The following ADAM12 variants were observed in gnomAD, a reference collection of about 807,000 sequenced individuals.
ADAM12 encodes disintegrin and metalloproteinase domain-containing protein 12.
ADAM12 carries 70 observed loss-of-function variants against 106.4 expected under a neutral mutation model. That is an observed-to-expected ratio of 0.66 (90% CI 0.54 to 0.80). The LOEUF (loss-of-function observed/expected upper bound fraction) is 0.80, where lower values mean the gene tolerates loss of function less well. Among genes scored for constraint, ADAM12 ranks in the 30% least tolerant of loss-of-function variants. The probability of loss-of-function intolerance (pLI) is 0.00; values close to 1 mark genes in which losing one functional copy is unlikely to be tolerated. For synonymous variants in ADAM12, 420 were observed against 433.5 expected (o/e 0.97, Z 0.39); for missense variants, 1,010 against 1,171.9 (o/e 0.86, Z 2.02).
intron 4 of ADAM12, among the ~76,000 whole-genome samples, chr10:126,150,709 T>C (rs550582058): frequency 6.6e-6 from 1 of 152,314 alleles, no homozygotes; most frequent in South Asian, 2.1e-4. Flanking sequence ...CTTCCTGTCT[T>C]CTGTCTACCA....
chr10:126,112,519 T>C (rs1955889762), intron 6 of ADAM12, among the ~76,000 whole-genome samples: 1 of 152,090 alleles, frequency 6.6e-6, no homozygotes, highest in African/African-American at 2.4e-5. Flanking sequence ...AGGCCTTCTT[T>C]GAATCTTGCT....
At chr10:126,060,644 A>G (rs1423779546) in intron 14 of ADAM12, among the ~76,000 whole-genome samples, 1 of 152,220 alleles carries the variant, frequency 6.6e-6, no homozygotes. Context: ...ACCAACCACT[A>G]CAACAAAGCA....
At chr10:126,301,146 C>T (rs150105202) in intron 2 of ADAM12, among the ~76,000 whole-genome samples, 2,041 of 152,128 alleles carry the variant, frequency 0.013, 29 homozygotes, top group Middle Eastern at 0.027. Context: ...AGGACAGTAC[C>T]CTCCCTCTCC....
At chr10:126,062,405 G>A (rs1954776611) in intron 14 of ADAM12, among the ~76,000 whole-genome samples, 1 of 152,076 alleles carries the variant, frequency 6.6e-6, no homozygotes, top group Admixed American at 6.5e-5. Context: ...AGAGGACGTG[G>A]CTACCTGGGT....
At chr10:126,317,199 C>T (rs1853910071) in intron 2 of ADAM12, among the ~76,000 whole-genome samples, 1 of 152,146 alleles carries the variant, frequency 6.6e-6, no homozygotes, top group South Asian at 2.1e-4. Context: ...GGAGTCCTTC[C>T]TGAGACACCT....
At chr10:126,170,342 A>G (rs1339940030) in intron 3 of ADAM12, among the ~76,000 whole-genome samples, 1 of 152,076 alleles carries the variant, frequency 6.6e-6, no homozygotes, top group Non-Finnish European at 1.5e-5. Flanking sequence ...GAAGTGTTCT[A>G]AATTGGCCCA....
intron 3 of ADAM12, among the ~76,000 whole-genome samples, chr10:126,230,916 C>T (rs560841289): frequency 5.3e-5 from 8 of 152,224 alleles, no homozygotes; most frequent in South Asian, 4.1e-4. Context: ...TTTACCTTTA[C>T]GTTAAGCTAG....
At chr10:126,096,518 T>C (rs3758422) in intron 10 of ADAM12, among the ~76,000 whole-genome samples, 87,200 of 152,200 alleles carry the variant, frequency 0.57, 28,877 homozygotes, top group Non-Finnish European at 0.75. Flanking sequence ...GAAATGGTAC[T>C]ACAATCCTGT....
At chr10:126,142,287 C>G (rs191073369) in intron 4 of ADAM12, among the ~76,000 whole-genome samples, 1 of 152,270 alleles carries the variant, frequency 6.6e-6, no homozygotes, top group Admixed American at 6.5e-5. Flanking sequence ...GAGCCCTGAA[C>G]AGAGATTTAC....
In ADAM12 at chr10:126,210,572, C is replaced by T. The variant is rs117378221; in HGVS notation, c.261-55267G>A. On this transcript the variant is annotated intron_variant, in intron 3 of 22. Coordinates refer to ENST00000448723, the MANE Select transcript of ADAM12 (RefSeq NM_001288973.2). ...CCTGGCTGACAGGACGTGAGTGAGTCCTCCTGACTGTTGAATAAAAGAAGT... is the reference window on the plus strand; with the variant it reads ...CCTGGCTGACAGGACGTGAGTGAGTTCTCCTGACTGTTGAATAAAAGAAGT... 9.9e-3 allele frequency among the ~76,000 whole-genome samples: 1,503 copies of T among 152,200 alleles called. 21 individuals carry two copies. Among genetic ancestry groups the T allele is most frequent in the Non-Finnish European group, 0.012 (834 of 68,018 alleles).
rs868710424 is a variant in ADAM12 at position 126,037,280 on chromosome 10, C to T, written c.2350-955G>A. The stretch of plus-strand genomic sequence containing the variant: ...TAGTTTGGGGCTCTCAAAAATAAGG[C>T]TGTGCTTTTTTTTTTTTTTTAATAG... On this transcript the variant is annotated intron_variant, in intron 20 of 22. Transcript: ENST00000448723. Among the ~76,000 whole-genome samples the T allele has an allele frequency of 2.8e-5, 3 of 105,298 alleles. No individual in the cohort carries two copies. The East Asian group carries it at 9.2e-4, about 32-fold the overall frequency. 69.1% of individuals were successfully genotyped at this position (105,298 alleles called of 152,430 possible).
intron 16 of ADAM12, among the ~76,000 whole-genome samples, chr10:126,046,735 G>A (rs1254235621): frequency 6.7e-6 from 1 of 149,520 alleles, no homozygotes; most frequent in African/African-American, 2.5e-5. Flanking sequence ...CCAGGGAGTT[G>A]GAGGTTGCAG....
chr10:126,238,344 G>A (rs1274582212), intron 3 of ADAM12, among the ~76,000 whole-genome samples: 1 of 152,160 alleles, frequency 6.6e-6, no homozygotes, highest in East Asian at 1.9e-4. Flanking sequence ...GCCGGGCGTG[G>A]TGATGCACAC....
At chr10:126,123,666 G>GCGCA (rs1590450509) in intron 5 of ADAM12, among the ~76,000 whole-genome samples, 1 of 152,318 alleles carries the variant, frequency 6.6e-6, no homozygotes, top group East Asian at 1.9e-4. Context: ...TGTCCAAGGT[G>GCGCA]CGCAGGTGGC....
intron 11 of ADAM12, among the ~76,000 whole-genome samples, chr10:126,079,239 T>C (rs1955163527): frequency 6.6e-6 from 1 of 152,166 alleles, no homozygotes; most frequent in Non-Finnish European, 1.5e-5. Flanking sequence ...TTCCAGCACA[T>C]TCACAATGTT....
intron 3 of ADAM12, among the ~76,000 whole-genome samples, chr10:126,177,763 A>G (rs1158568752): frequency 6.6e-6 from 1 of 152,218 alleles, no homozygotes; most frequent in African/African-American, 2.4e-5. Context: ...AAATAATACA[A>G]TCAAGAGTTG....
At chr10:126,143,277 G>GTGT (rs1956553838) in intron 4 of ADAM12, among the ~76,000 whole-genome samples, 1 of 127,032 alleles carries the variant, frequency 7.9e-6, no homozygotes, top group African/African-American at 2.9e-5. Context: ...TGTGTATATG[G>GTGT]GTATGCATGT....
chr10:126,321,671 C>G (rs1228357014), intron 2 of ADAM12, among the ~76,000 whole-genome samples: 3 of 152,292 alleles, frequency 2.0e-5, no homozygotes, highest in East Asian at 1.9e-4. Context: ...GGAGGCAAGA[C>G]AGACAGGGAG....
intron 1 of ADAM12, among the ~76,000 whole-genome samples, chr10:126,383,081 A>G (rs1856547446): frequency 6.6e-6 from 1 of 152,124 alleles, no homozygotes; most frequent in Non-Finnish European, 1.5e-5. Flanking sequence ...AGTAGCTGGA[A>G]CTAAAGGTGT....
Sources: allele counts gnomAD v4.1 joint callset (sites outside exome capture counted in the v4.1 genomes callset), GRCh38; gene constraint gnomAD v4.1.1; transcripts MANE v1.5; gene names NCBI Gene and HGNC (gene_info 2026-07-23, HGNC 2026-07-21).